Variants in GRM3 observed in about 807,000 individuals in gnomAD.
The protein encoded by GRM3 is metabotropic glutamate receptor 3.
GRM3 carries 26 observed loss-of-function variants against 70.5 expected under a neutral mutation model. The observed-to-expected ratio is 0.37, with a 90% CI of 0.27 to 0.51. The LOEUF is 0.51. GRM3 is among the 20% of genes least tolerant of loss of function. The pLI is 0.93. For synonymous variants in GRM3, 443 were observed against 434.9 expected (o/e 1.02, Z -0.23); for missense variants, 859 against 1,123.8 (o/e 0.76, Z 3.37).
chr7:86,825,963 G>A (rs1471483178), intron 3 of GRM3, among the ~76,000 whole-genome samples: 1 of 152,302 alleles, frequency 6.6e-6, no homozygotes, highest in South Asian at 2.1e-4. Flanking sequence ...AGCACAGCAG[G>A]TGGAAAAGTG....
chr7:86,859,556 C>G (rs970227282), intron 5 of GRM3, among the ~76,000 whole-genome samples: 4 of 151,788 alleles, frequency 2.6e-5, no homozygotes, highest in Non-Finnish European at 1.5e-5. Context: ...AACAGACTTC[C>G]TGGGAAAAAA....
chr7:86,703,143 A>G (rs1303135928), intron 1 of GRM3, among the ~76,000 whole-genome samples: 1 of 152,008 alleles, frequency 6.6e-6, no homozygotes. Context: ...AGACATTTCT[A>G]GAATATGAAC....
chr7:86,714,106 C>T (rs577360121), intron 1 of GRM3, among the ~76,000 whole-genome samples: 8 of 152,150 alleles, frequency 5.3e-5, no homozygotes, highest in African/African-American at 1.9e-4. Flanking sequence ...CTCTCCCTTA[C>T]TGCTGCTCTT....
At chr7:86,855,866 A>G (rs1798835971) in intron 5 of GRM3, among the ~76,000 whole-genome samples, 1 of 152,188 alleles carries the variant, frequency 6.6e-6, no homozygotes, top group African/African-American at 2.4e-5. Flanking sequence ...CTTCTTCTCT[A>G]TAGTTCAGCC....
In GRM3 at chr7:86,703,768, G is replaced by A. The variant is rs147473984; in HGVS notation, c.-141+58896G>A. ...TCAGAACATCAGAGTTCCATTGAGTGTGTTCCACTGAAACACCTCAGTCCC... is the reference window on the plus strand; with the variant it reads ...TCAGAACATCAGAGTTCCATTGAGTATGTTCCACTGAAACACCTCAGTCCC... On this transcript the variant is annotated intron_variant, in intron 1 of 5. Transcript: ENST00000361669. Among the ~76,000 whole-genome samples, 12 of 152,036 alleles carry A rather than the reference G, an allele frequency of 7.9e-5. No homozygotes were observed. In the East Asian group the frequency reaches 2.3e-3, roughly 29 times the overall value.
chr7:86,716,784 T>C (rs1795327770), intron 1 of GRM3, among the ~76,000 whole-genome samples: 1 of 151,930 alleles, frequency 6.6e-6, no homozygotes, highest in Non-Finnish European at 1.5e-5. Flanking sequence ...AAAAACTATT[T>C]CCCTTGTTGG....
chr7:86,680,060 AG>A (rs1226657756), intron 1 of GRM3, among the ~76,000 whole-genome samples: 1 of 152,122 alleles, frequency 6.6e-6, no homozygotes, highest in African/African-American at 2.4e-5. Context: ...GGAATGTACC[AG>A]GTGGTCTGAC....
chr7:86,830,954 C>G (rs1798339312), intron 3 of GRM3, among the ~76,000 whole-genome samples: 1 of 152,134 alleles, frequency 6.6e-6, no homozygotes. Flanking sequence ...AATGCATTAA[C>G]AAGCCAAGGA....
In GRM3 at chr7:86,786,618, A is replaced by T; in HGVS notation, c.826A>T (p.Met276Leu). The stretch of plus-strand genomic sequence containing the variant: ...CAACGCGCGCGTCGTGGTCCTCTTC[A>T]TGCGCAGCGACGACTCGCGGGAGCT... Reference protein sequence around the residue: ...KPNARVVVLFMRSDDSRELIA... With the variant: ...KPNARVVVLFLRSDDSRELIA... The change falls in exon 3 of 6, where the codon ATG becomes TTG. Residue 276 changes from methionine (M) to leucine (L), a missense_variant. By Grantham distance (15) the Met-to-Leu change is conservative. Coordinates refer to ENST00000361669, the MANE Select transcript of GRM3 (RefSeq NM_000840.3). The surrounding 1 kb of genome is among the most constrained non-coding windows in gnomAD (Gnocchi z 6.0). 1 of 1,613,028 alleles carries T rather than the reference A, an allele frequency of 6.2e-7. No homozygotes were observed.
chr7:86,790,001 C>G lies in GRM3; in HGVS notation c.1324+2885C>G, dbSNP rs187465886. Among the ~76,000 whole-genome samples the G allele has an allele frequency of 6.6e-5, 10 of 152,296 alleles. No homozygotes were observed. In the East Asian group the frequency reaches 1.9e-3, roughly 29 times the overall value. ...TAACCACTGCCCAGGTCTCTAGGCT[C>G]ATCTCCTGCTGTACACTCCACATTC... is the stretch of plus-strand genomic sequence containing the variant. On this transcript the variant is annotated intron_variant, in intron 3 of 5. Coordinates refer to ENST00000361669, the MANE Select transcript of GRM3 (RefSeq NM_000840.3).
chr7:86,826,998 T>C (rs912784813), intron 3 of GRM3, among the ~76,000 whole-genome samples: 1 of 152,230 alleles, frequency 6.6e-6, no homozygotes, highest in Non-Finnish European at 1.5e-5. Context: ...TAGGAAACAA[T>C]GTGTCCAGTG....
chr7:86,655,486 T>C (rs1468161596), intron 1 of GRM3, among the ~76,000 whole-genome samples: 5 of 152,068 alleles, frequency 3.3e-5, no homozygotes, highest in African/African-American at 1.2e-4. Context: ...CAGTAAAATA[T>C]ATTACATTTG....
chr7:86,660,792 C>A (rs1793873622), intron 1 of GRM3, among the ~76,000 whole-genome samples: 1 of 151,930 alleles, frequency 6.6e-6, no homozygotes, highest in African/African-American at 2.4e-5. Context: ...AATTGGATAT[C>A]CCCATACACA....
chr7:86,752,397 CTG>C (rs1226538368), intron 1 of GRM3, among the ~76,000 whole-genome samples: 2 of 152,050 alleles, frequency 1.3e-5, no homozygotes, highest in East Asian at 3.9e-4. Flanking sequence ...AACCTAGAAG[CTG>C]TGTTATATGA....
At chr7:86,739,673 G>A (rs1562844305) in intron 1 of GRM3, among the ~76,000 whole-genome samples, 2 of 152,120 alleles carry the variant, frequency 1.3e-5, no homozygotes, top group African/African-American at 2.4e-5. Context: ...CCACCAATTC[G>A]TAGTTTAACA....
At chr7:86,823,898 C>T (rs910429596) in intron 3 of GRM3, among the ~76,000 whole-genome samples, 14 of 152,100 alleles carry the variant, frequency 9.2e-5, no homozygotes, top group African/African-American at 2.9e-4. Flanking sequence ...AGATTTCAAG[C>T]CTACTTACCC....
chr7:86,661,548 C>T (rs1793893625), intron 1 of GRM3, among the ~76,000 whole-genome samples: 1 of 151,862 alleles, frequency 6.6e-6, no homozygotes, highest in Non-Finnish European at 1.5e-5. Flanking sequence ...TTACAAAGTA[C>T]TCAATGGAAT....
rs114838742 is a variant in GRM3, at chr7:86,668,022, G to C, written c.-141+23150G>C. Among the ~76,000 whole-genome samples the C allele has an allele frequency of 9.1e-3, 1,381 of 152,186 alleles. 14 individuals are homozygous for C. Among genetic ancestry groups the C allele is most frequent in the African/African-American group, 0.032 (1,318 of 41,516 alleles). The stretch of plus-strand genomic sequence containing the variant: ...CTACCCACTTCCACCCCAGTCTCCT[G>C]CAAGTCTGACCCCGTTTGGTGGGAA... On this transcript the variant is annotated intron_variant, in intron 1 of 5. Coordinates refer to ENST00000361669, the MANE Select transcript of GRM3 (RefSeq NM_000840.3).
rs1478890379 is a variant in GRM3, at chr7:86,839,390, T to A, written c.1876T>A (p.Tyr626Asn). The A allele has an allele frequency of 3.1e-6, 5 of 1,614,122 alleles. No individual in the cohort carries two copies. The highest frequency in any genetic ancestry group is 4.2e-6 in the Non-Finnish European group (5 of 1,179,976). Residue 626 changes from tyrosine (Y) to asparagine (N), a missense_variant, in exon 4 of 6, where the codon TAC (tyrosine) becomes AAC (asparagine). Transcript: ENST00000361669. The surrounding 1 kb of genome is among the most constrained non-coding windows in gnomAD (Gnocchi z 4.5). The stretch of plus-strand genomic sequence containing the variant: ...CTTATTGTTTGGGGTTGGCCTGTCA[T>A]ACTGCATGACATTCTTCTTCATTGC... ...YILLFGVGLS[Y>N]CMTFFFIAKP...
Sources: gnomAD v4.1 joint callset for allele counts (sites outside exome capture counted in the v4.1 genomes callset) on GRCh38, gnomAD v4.1.1 for gene constraint, Gnocchi (gnomAD v3.1) non-coding constraint, MANE v1.5 for transcripts, NCBI Gene and HGNC (gene_info 2026-07-23, HGNC 2026-07-21) for gene names.